Variants in ADAMTS19 observed in about 807,000 individuals in gnomAD.
The protein encoded by ADAMTS19 is A disintegrin and metalloproteinase with thrombospondin motifs 19.
Under a neutral mutation model 153.3 loss-of-function variants are expected in ADAMTS19, and 93 were observed. That is an observed-to-expected ratio of 0.61 (90% CI 0.51 to 0.72). The LOEUF is 0.72. ADAMTS19 is among the 30% of genes least tolerant of loss of function. ADAMTS19 has a pLI of 0.00. For synonymous variants in ADAMTS19, 600 were observed against 556.6 expected, an observed-to-expected ratio of 1.08 and a Z score of -1.10; for missense variants, 1,482 against 1,552.1, an observed-to-expected ratio of 0.95 and a Z score of 0.76.
chr5:129,596,464 G>A (rs561063695), intron 7 of ADAMTS19, 95 bp from the exon 8 acceptor site: 97 of 836,910 alleles, frequency 1.2e-4, no homozygotes, highest in East Asian at 1.1e-3. Flanking sequence ...CATTTTAGTC[G>A]TGACAACTGC....
At chr5:129,497,863 A>C (rs1750975832) in intron 2 of ADAMTS19, among the ~76,000 whole-genome samples, 1 of 152,052 alleles carries the variant, frequency 6.6e-6, no homozygotes, top group African/African-American at 2.4e-5. Flanking sequence ...ACTGACTTCA[A>C]ACTGGCCTCC....
intron 8 of ADAMTS19, among the ~76,000 whole-genome samples, chr5:129,606,199 C>T (rs567303055): frequency 6.6e-6 from 1 of 152,114 alleles, no homozygotes; most frequent in Non-Finnish European, 1.5e-5. Flanking sequence ...CGTCTTGTGA[C>T]TAGTAAGCCT....
intron 8 of ADAMTS19, among the ~76,000 whole-genome samples, chr5:129,613,288 A>C (rs1751325729): frequency 6.6e-6 from 1 of 152,196 alleles, no homozygotes. Flanking sequence ...TTTGGAAGTA[A>C]AGCACTCTTC....
chr5:129,707,251 C>G (rs1459585394), intron 21 of ADAMTS19, among the ~76,000 whole-genome samples: 3 of 152,154 alleles, frequency 2.0e-5, no homozygotes, highest in Non-Finnish European at 4.4e-5. Flanking sequence ...CCCTCATATA[C>G]CCAAAGAAGA....
At chr5:129,561,371 T>C (rs570531305) in intron 7 of ADAMTS19, among the ~76,000 whole-genome samples, 10 of 151,906 alleles carry the variant, frequency 6.6e-5, no homozygotes, top group Admixed American at 5.9e-4. Flanking sequence ...CTACTAAAAA[T>C]ACAAAAAATT....
chr5:129,493,586 T>C (rs531294840), intron 2 of ADAMTS19, among the ~76,000 whole-genome samples: 1 of 152,282 alleles, frequency 6.6e-6, no homozygotes, highest in Admixed American at 6.5e-5. Context: ...AATGAAGATT[T>C]AATCTCAACT....
chr5:129,665,764 G>C (rs1754022610), intron 16 of ADAMTS19, among the ~76,000 whole-genome samples, 185 bp downstream of exon 16: 1 of 151,862 alleles, frequency 6.6e-6, no homozygotes, highest in African/African-American at 2.4e-5. Flanking sequence ...AGGAGCAAAA[G>C]CAATCTGGTT....
chr5:129,584,969 A>T (rs1289359861), intron 7 of ADAMTS19, among the ~76,000 whole-genome samples: 1 of 152,162 alleles, frequency 6.6e-6, no homozygotes, highest in East Asian at 1.9e-4. Context: ...GAAGCTAGTT[A>T]GGTGTCTGCC....
chr5:129,657,645 G>A (rs1329897472), intron 14 of ADAMTS19, among the ~76,000 whole-genome samples: 1 of 152,198 alleles, frequency 6.6e-6, no homozygotes, highest in Admixed American at 6.5e-5. Context: ...TTTTCTTAAA[G>A]CAGCCATAGG....
intron 2 of ADAMTS19, among the ~76,000 whole-genome samples, chr5:129,506,903 A>G (rs995460364): frequency 2.6e-5 from 4 of 151,800 alleles, no homozygotes; most frequent in Non-Finnish European, 4.4e-5. Context: ...AAATATATAT[A>G]TATTTTTTAA....
chr5:129,572,402 A>G (rs1753942081), intron 7 of ADAMTS19, among the ~76,000 whole-genome samples: 1 of 152,018 alleles, frequency 6.6e-6, no homozygotes, highest in African/African-American at 2.4e-5. Context: ...CATATGACCC[A>G]GCAATCCCAC....
intron 8 of ADAMTS19, among the ~76,000 whole-genome samples, chr5:129,616,241 T>G (rs1284186937): frequency 6.6e-6 from 1 of 152,020 alleles, no homozygotes; most frequent in East Asian, 1.9e-4. Flanking sequence ...GATATACCAC[T>G]GAATTCTAAG....
chr5:129,641,056 G>A (rs1390173657), intron 10 of ADAMTS19, among the ~76,000 whole-genome samples: 5 of 152,140 alleles, frequency 3.3e-5, no homozygotes, highest in Admixed American at 6.5e-5. Flanking sequence ...TTAACAATAT[G>A]TGTGAGTCTA....
chr5:129,648,004 A>G (rs1753145302), intron 12 of ADAMTS19, 109 bp downstream of exon 12: 1 of 1,229,370 alleles, frequency 8.1e-7, no homozygotes, highest in Non-Finnish European at 1.1e-6. Flanking sequence ...AACTCTACTC[A>G]CGTTGGAAAA....
At chr5:129,638,562 CACACACACACACAT>C (rs200683367) in intron 10 of ADAMTS19, among the ~76,000 whole-genome samples, 2,560 of 102,844 alleles carry the variant, frequency 0.025, 66 homozygotes, top group African/African-American at 0.1. Context: ...CTCTCTGTCT[CACACACACACACAT>C]ACACACACAC....
intron 16 of ADAMTS19, 83 bp from the exon 17 acceptor site, chr5:129,679,681 G>A: frequency 7.9e-7 from 1 of 1,265,918 alleles, no homozygotes; most frequent in Non-Finnish European, 1.1e-6. Context: ...AAATGGACTA[G>A]TTTTAACAAA....
At chr5:129,586,893 A>C (rs1749828693) in intron 7 of ADAMTS19, among the ~76,000 whole-genome samples, 1 of 152,146 alleles carries the variant, frequency 6.6e-6, no homozygotes, top group Admixed American at 6.6e-5. Context: ...TTCGAAATAC[A>C]TTTAATGATT....
At chr5:129,549,402 T>C (rs1356545643) in intron 6 of ADAMTS19, among the ~76,000 whole-genome samples, 1 of 151,608 alleles carries the variant, frequency 6.6e-6, no homozygotes, top group Non-Finnish European at 1.5e-5. Flanking sequence ...GACAAGCAAA[T>C]ATTAGTGCAG....
intron 2 of ADAMTS19, among the ~76,000 whole-genome samples, chr5:129,484,124 G>A (rs1485815992): frequency 2.0e-5 from 3 of 151,760 alleles, no homozygotes; most frequent in Non-Finnish European, 4.4e-5. Context: ...TTTCTTTTGT[G>A]CATTACATCC....
Sources: gnomAD v4.1 joint callset for allele counts (sites outside exome capture counted in the v4.1 genomes callset) on GRCh38, gnomAD v4.1.1 for gene constraint, MANE v1.5 for transcripts, NCBI Gene and HGNC (gene_info 2026-07-23, HGNC 2026-07-21) for gene names.